Variants in ATP5MC2 observed in about 807,000 individuals in gnomAD.
ATP5MC2 encodes the protein ATP synthase F(0) complex subunit C2, mitochondrial.
A neutral mutation model predicts 13.5 loss-of-function variants in ATP5MC2; 11 were observed. The ratio of observed to expected loss-of-function variants is 0.81; its 90% CI spans 0.51 to 1.35. ATP5MC2 has a LOEUF of 1.35. ATP5MC2 is among the 40% of genes most tolerant of loss of function. The pLI, the probability that ATP5MC2 is intolerant of heterozygous loss-of-function variation, is 0.00. For synonymous variants in ATP5MC2, 64 were observed against 69.7 expected (o/e 0.92, Z 0.41); for missense variants, 132 against 175.0 (o/e 0.75, Z 1.39).
chr12:53,670,194 A>T (rs1473902803), intron 2 of ATP5MC2: 1 of 526,558 alleles, frequency 1.9e-6, no homozygotes, highest in Non-Finnish European at 3.6e-6. Flanking sequence ...TTTGGGCCAT[A>T]AGGGAGCATC....
chr12:53,672,107 T>C (rs922947998), intron 2 of ATP5MC2, among the ~76,000 whole-genome samples: 23 of 78,274 alleles, frequency 2.9e-4, no homozygotes, highest in African/African-American at 1.4e-3. Context: ...AAAAAAAAAT[T>C]AACTGGCCGC....
intron 2 of ATP5MC2, among the ~76,000 whole-genome samples, chr12:53,672,097 A>ATAAAT (rs1274815170): frequency 6.0e-5 from 9 of 150,380 alleles, no homozygotes; most frequent in African/African-American, 2.2e-4. Context: ...AAAAAAAAAA[A>ATAAAT]AAAAAAAATT....
chr12:53,670,202 A>G, intron 2 of ATP5MC2: 1 of 506,932 alleles, frequency 2.0e-6, no homozygotes, highest in South Asian at 1.7e-5. Context: ...ATAAGGGAGC[A>G]TCCAACCTTG....
At chr12:53,676,263 T>A (rs1016746834), upstream of ATP5MC2, 57 of 1,553,764 alleles carry the variant, frequency 3.7e-5, no homozygotes, top group Non-Finnish European at 4.3e-5. Flanking sequence ...GAGGAGAAAC[T>A]ACAGGGAGCG....
At chr12:53,668,080 C>T (rs1166569133) in intron 4 of ATP5MC2, among the ~76,000 whole-genome samples, 3 of 148,976 alleles carry the variant, frequency 2.0e-5, no homozygotes, top group African/African-American at 7.4e-5. Flanking sequence ...CCTCTGTCTC[C>T]CGGGTTCAAG....
chr12:53,676,904 G>C (rs977158450), upstream of ATP5MC2: 1 of 152,492 alleles, frequency 6.6e-6, no homozygotes, highest in Non-Finnish European at 1.5e-5. Context: ...CTGATGGAAG[G>C]AGGTGGGGGA....
intron 1 of ATP5MC2, among the ~76,000 whole-genome samples, chr12:53,674,640 CTTAAT>C (rs758193773): frequency 2.6e-5 from 4 of 152,216 alleles, no homozygotes; most frequent in South Asian, 2.1e-4. Context: ...CTTAATTGCT[CTTAAT>C]TTATTTTTTG....
chr12:53,666,803 G>A (rs993690917), intron 4 of ATP5MC2, among the ~76,000 whole-genome samples: 35 of 150,742 alleles, frequency 2.3e-4, no homozygotes, highest in African/African-American at 6.1e-4. Context: ...AAAATTAGCC[G>A]GGCGTGGTGG....
upstream of ATP5MC2, chr12:53,676,299 C>T: frequency 6.6e-7 from 1 of 1,516,316 alleles, no homozygotes; most frequent in South Asian, 1.3e-5. Flanking sequence ...AGGCCAACTC[C>T]GCGGAGTAAG....
chr12:53,669,309 A>G lies in ATP5MC2; in HGVS notation c.150T>C (p.Leu50=). Reference sequence around the variant, plus strand: ...AGCTGCGGCTAGAGACAAGTGAGGTAAGGGGACATGAGACTGCCAAGCTGC... The same window carrying G: ...AGCTGCGGCTAGAGACAAGTGAGGTGAGGGGACATGAGACTGCCAAGCTGC... The part of the protein sequence containing the change: ...SLSSLAVSCP[L]TSLVSSRSFQ... Residue 50 remains leucine (L), a synonymous_variant, in exon 4 of 5, where the codon CTT becomes CTC. Transcript: ENST00000394349. 2 of 1,614,158 alleles carry G rather than the reference A, an allele frequency of 1.2e-6. No individual in the cohort carries two copies. The highest frequency in any genetic ancestry group is 1.7e-6 in the Non-Finnish European group (2 of 1,180,012).
rs772110168 is a variant in ATP5MC2, at chr12:53,667,956, C to CATATATATATATATATATATAT, written c.311+1170_311+1191dup. Among the ~76,000 whole-genome samples, 43 of 67,322 alleles carry CATATATATATATATATATATAT rather than the reference C, an allele frequency of 6.4e-4. 2 individuals carry two copies. Among genetic ancestry groups the CATATATATATATATATATATAT allele is most frequent in the South Asian group, 1.7e-3 (3 of 1,806 alleles). 44.2% of individuals were successfully genotyped at this position (67,322 alleles called of 152,430 possible). ...TCTAATACATACATACATACACACA[C>CATATATATATATATATATATAT]ATATATATATATATATATATATATA... is the stretch of plus-strand genomic sequence containing the variant. On this transcript the variant is annotated intron_variant, in intron 4 of 4. Coordinates refer to ENST00000394349, the MANE Select transcript of ATP5MC2 (RefSeq NM_005176.7).
chr12:53,669,452 T>G, intron 3 of ATP5MC2, 111 bp from the exon 4 acceptor site: 1 of 1,444,572 alleles, frequency 6.9e-7, no homozygotes, highest in Non-Finnish European at 9.1e-7. Flanking sequence ...AACAGAAAAT[T>G]GTTTAACGCC....
rs760972169 is a variant in ATP5MC2, at chr12:53,669,138, C to G, written c.311+10G>C. The G allele has an allele frequency of 6.3e-7, 1 of 1,599,010 alleles. No homozygotes were observed. The highest frequency in any genetic ancestry group is 8.5e-7 in the Non-Finnish European group (1 of 1,172,382). The stretch of plus-strand genomic sequence containing the variant: ...ATCAGATAACCAGTGGAGGGTCCAA[C>G]TTATCTTACCTGGCATAACCAATGA... On this transcript the variant is annotated intron_variant, in intron 4 of 4. Coordinates refer to ENST00000394349, the MANE Select transcript of ATP5MC2 (RefSeq NM_005176.7).
chr12:53,672,528 G>A (rs532542118), intron 2 of ATP5MC2, 48 bp downstream of exon 2: 7 of 1,510,640 alleles, frequency 4.6e-6, no homozygotes, highest in Admixed American at 2.0e-5. Context: ...GAAAGAGAGA[G>A]ACAAGATGTC....
intron 1 of ATP5MC2, chr12:53,673,760 A>G (rs2857000): frequency 0.99 from 170,171 of 171,222 alleles, 84,589 homozygotes; most frequent in East Asian, 1. Flanking sequence ...GGCAGAGGCT[A>G]CGGTGAGCCA....
At chr12:53,671,515 T>C (rs1945093447) in intron 2 of ATP5MC2, among the ~76,000 whole-genome samples, 1 of 152,260 alleles carries the variant, frequency 6.6e-6, no homozygotes, top group Non-Finnish European at 1.5e-5. Context: ...ATGTAAATTT[T>C]AGCTTCCTAT....
At position 53,669,172 on chromosome 12, in the gene ATP5MC2, C is replaced by T. The variant is rs2138025125; in HGVS notation, c.287G>A (p.Gly96Glu). Residue 96 changes from glycine (G) to glutamate (E), a missense_variant, in exon 4 of 5, where the codon GGG (glycine) becomes GAG (glutamate). Gly to Glu is a moderately conservative substitution (Grantham distance 98, BLOSUM62 -2). Coordinates refer to ENST00000394349, the MANE Select transcript of ATP5MC2 (RefSeq NM_005176.7). ...CCTGGCATAACCAATGATGAGGCTC[C>T]CAAACACAGTTCCAATCCCAGCCCC... ...GSGAGIGTVF[G>E]SLIIGYARNP... The T allele has an allele frequency of 6.2e-7, 1 of 1,613,028 alleles. No individual in the cohort carries two copies. The highest frequency in any genetic ancestry group is 8.5e-7 in the Non-Finnish European group (1 of 1,179,508).
chr12:53,675,004 A>T (rs1945222987), intron 1 of ATP5MC2, among the ~76,000 whole-genome samples: 1 of 152,232 alleles, frequency 6.6e-6, no homozygotes, highest in South Asian at 2.1e-4. Flanking sequence ...ACATACATAA[A>T]GAGTTTAATG....
At chr12:53,665,665 A>G (rs915882775) in intron 4 of ATP5MC2, among the ~76,000 whole-genome samples, 1 of 152,182 alleles carries the variant, frequency 6.6e-6, no homozygotes, top group Admixed American at 6.5e-5. Context: ...AGGTATAATC[A>G]TGACCTTCAC....
Sources: gnomAD v4.1 joint callset for allele counts (sites outside exome capture counted in the v4.1 genomes callset) on GRCh38, gnomAD v4.1.1 for gene constraint, MANE v1.5 for transcripts, NCBI Gene and HGNC (gene_info 2026-07-23, HGNC 2026-07-21) for gene names.